STRIP1: variants seen among roughly 807,000 people sequenced by gnomAD.
The protein encoded by STRIP1 is striatin-interacting protein 1.
Under a neutral mutation model 106.2 loss-of-function variants are expected in STRIP1, and 63 were observed. The ratio of observed to expected loss-of-function variants is 0.59; its 90% CI spans 0.48 to 0.73. The LOEUF (loss-of-function observed/expected upper bound fraction) is 0.73, where lower values mean the gene tolerates loss of function less well. STRIP1 is among the 30% of genes least tolerant of loss of function. STRIP1 has a pLI of 0.00. For synonymous variants in STRIP1, 390 were observed against 413.0 expected (o/e 0.94, Z 0.67); for missense variants, 857 against 1,074.8 (o/e 0.80, Z 2.83).
upstream of STRIP1, among the ~76,000 whole-genome samples, chr1:110,032,455 G>C (rs909168342): frequency 2.6e-5 from 4 of 152,170 alleles, no homozygotes; most frequent in African/African-American, 9.7e-5. Context: ...GACAAAGATG[G>C]ATAAAATGCC....
intron 1 of STRIP1, among the ~76,000 whole-genome samples, chr1:110,037,379 A>C (rs934790468): frequency 6.6e-6 from 1 of 152,212 alleles, no homozygotes; most frequent in Non-Finnish European, 1.5e-5. Flanking sequence ...GTTCTCACTG[A>C]AATTTGAGAC....
chr1:110,038,582 G>T, intron 2 of STRIP1, 101 bp from the exon 3 acceptor site: 1 of 864,128 alleles, frequency 1.2e-6, no homozygotes. Context: ...CTCAGGGGCA[G>T]AGTTGAGAGT....
upstream of STRIP1, among the ~76,000 whole-genome samples, chr1:110,034,361 G>A (rs892611441): frequency 3.4e-4 from 51 of 152,180 alleles, no homozygotes; most frequent in African/African-American, 1.1e-3. Flanking sequence ...GCGATTTAGA[G>A]GAAGGAGGGG....
At chr1:110,048,899 T>C (rs1653156855) in intron 15 of STRIP1, among the ~76,000 whole-genome samples, 1 of 152,194 alleles carries the variant, frequency 6.6e-6, no homozygotes, top group African/African-American at 2.4e-5. Flanking sequence ...AGAATGTATT[T>C]GAGGGCATCA....
At chr1:110,044,752 G>T in intron 10 of STRIP1, 88 bp from the exon 11 acceptor site, 2 of 1,287,092 alleles carry the variant, frequency 1.6e-6, no homozygotes, top group Non-Finnish European at 1.1e-6. Context: ...CACAGTTTCT[G>T]GATGCTGTGT....
intron 5 of STRIP1, 78 bp from the exon 6 acceptor site, chr1:110,040,557 C>A: frequency 1.5e-6 from 2 of 1,379,194 alleles, no homozygotes; most frequent in East Asian, 2.5e-5. Flanking sequence ...TTTTGTTTCC[C>A]CATTGGTCAG....
rs762586421 is a variant in STRIP1, at chr1:110,049,118, A to G, written c.1668A>G (p.Thr556=). Residue 556 remains threonine, a synonymous_variant, in exon 16 of 21, where the codon ACA becomes ACG. Coordinates refer to ENST00000369795, the MANE Select transcript of STRIP1 (RefSeq NM_033088.4). ...ADVLPEEMPT[T]VLQSMKLGVD... is the part of the protein sequence containing the mutation. ...CAGGCAATTATGTTTCCAGCACCAC[A>G]GTGTTGCAGAGCATGAAGCTGGGGG... 6.2e-7 allele frequency: 1 copy of G among 1,614,192 alleles called. No individual in the cohort carries two copies. The highest frequency in any genetic ancestry group is 1.1e-5 in the South Asian group (1 of 91,084).
At chr1:110,045,132 A>T (rs1375671895) in intron 12 of STRIP1, 54 bp downstream of exon 12, 1 of 1,540,860 alleles carries the variant, frequency 6.5e-7, no homozygotes, top group Non-Finnish European at 9.0e-7. Context: ...GAGTAGAGTG[A>T]AACCAGCCTG....
intron 9 of STRIP1, 104 bp from the exon 10 acceptor site, chr1:110,043,535 C>T: frequency 9.3e-7 from 1 of 1,077,436 alleles, no homozygotes. Flanking sequence ...TTCCACTGTT[C>T]TTGCCTCTAC....
chr1:110,038,978 A>G (rs1463111571), intron 3 of STRIP1, 194 bp from the exon 4 acceptor site: 9 of 778,140 alleles, frequency 1.2e-5, no homozygotes, highest in Middle Eastern at 3.6e-4. Context: ...TCATGTGATT[A>G]AAATTGCACC....
At chr1:110,039,649 T>G in intron 5 of STRIP1, 134 bp downstream of exon 5, 2 of 1,170,484 alleles carry the variant, frequency 1.7e-6, no homozygotes, top group Non-Finnish European at 2.4e-6. Flanking sequence ...TCTGACCACC[T>G]GGGTTGAATA....
chr1:110,047,910 T>C, intron 15 of STRIP1, 41 bp downstream of exon 15: 1 of 1,491,668 alleles, frequency 6.7e-7, no homozygotes, highest in Non-Finnish European at 9.2e-7. Context: ...GGGCAGAAGA[T>C]AGATGGAGAA....
chr1:110,049,266 T>C, intron 16 of STRIP1, 28 bp downstream of exon 16: 1 of 1,613,836 alleles, frequency 6.2e-7, no homozygotes, highest in African/African-American at 1.3e-5. Flanking sequence ...CCTCCTGTCC[T>C]GTGGGCTGGG....
At chr1:110,046,126 A>G (rs1053896027) in intron 12 of STRIP1, among the ~76,000 whole-genome samples, 1 of 152,094 alleles carries the variant, frequency 6.6e-6, no homozygotes, top group African/African-American at 2.4e-5. Context: ...CTGAAAGGCC[A>G]TTTCCCTCCT....
chr1:110,037,855 A>C, intron 1 of STRIP1, 36 bp from the exon 2 acceptor site: 1 of 1,444,302 alleles, frequency 6.9e-7, no homozygotes, highest in Non-Finnish European at 9.7e-7. Flanking sequence ...AAATAGAATG[A>C]TCCTTTTTCC....
chr1:110,042,501 A>G (rs1184179692), intron 8 of STRIP1, among the ~76,000 whole-genome samples: 3 of 152,220 alleles, frequency 2.0e-5, no homozygotes, highest in African/African-American at 7.2e-5. Flanking sequence ...CTCAGTAAGT[A>G]TAGGATTTCT....
chr1:110,043,883 A>T, intron 10 of STRIP1, 27 bp downstream of exon 10: 1 of 1,602,498 alleles, frequency 6.2e-7, no homozygotes, highest in Non-Finnish European at 8.5e-7. Flanking sequence ...CAGAGCACTC[A>T]TAGTTCCTGA....
At chr1:110,045,858 C>A (rs1488173755) in intron 12 of STRIP1, among the ~76,000 whole-genome samples, 6 of 152,080 alleles carry the variant, frequency 3.9e-5, no homozygotes, top group Non-Finnish European at 7.4e-5. Flanking sequence ...CCATACTCTC[C>A]GATCAGAGAA....
chr1:110,034,870 C>G lies in STRIP1; in HGVS notation c.180+53C>G, dbSNP rs945532850. 9.5e-6 allele frequency: 13 copies of G among 1,374,196 alleles called. No homozygotes were observed. In the East Asian group the frequency reaches 4.0e-4, roughly 42 times the overall value. The allele number at this position is 1,374,196 out of a possible 1,614,324, so 85.1% of individuals were successfully genotyped here. On this transcript the variant is annotated intron_variant, in intron 1 of 20. Transcript: ENST00000369795. ...CACCGGGTCGGGCGGCGCCGGGGGT[C>G]CCGGGCCCGGGGCCACTCTAGGGGC...
Sources: gnomAD v4.1 joint callset for allele counts (sites outside exome capture counted in the v4.1 genomes callset) on GRCh38, gnomAD v4.1.1 for gene constraint, MANE v1.5 for transcripts, NCBI Gene and HGNC (gene_info 2026-07-23, HGNC 2026-07-21) for gene names.